SCLT1: variants seen among roughly 807,000 people sequenced by gnomAD.
SCLT1 encodes sodium channel-associated protein 1.
In SCLT1, 78 loss-of-function variants were observed where a neutral mutation model predicts 112.8. The observed-to-expected ratio is 0.69, with a 90% CI of 0.58 to 0.83. The LOEUF is 0.83. Among genes scored for constraint, SCLT1 ranks in the 40% least tolerant of loss-of-function variants. The pLI is 0.00. For missense variants in SCLT1, 747 were observed against 770.4 expected, an observed-to-expected ratio of 0.97 and a Z score of 0.36; for synonymous variants, 257 against 254.7, an observed-to-expected ratio of 1.01 and a Z score of -0.09.
intron 14 of SCLT1, chr4:128,952,227 A>G: frequency 2.5e-6 from 1 of 403,988 alleles, no homozygotes; most frequent in South Asian, 1.8e-5. Flanking sequence ...AAGTTTGTGA[A>G]GTTATAAACA....
At chr4:128,949,610 A>G (rs902808193) in intron 14 of SCLT1, among the ~76,000 whole-genome samples, 1 of 151,710 alleles carries the variant, frequency 6.6e-6, no homozygotes, top group Admixed American at 6.6e-5. Flanking sequence ...ATTCCCACCT[A>G]TAAGTGAGAA....
intron 2 of SCLT1, among the ~76,000 whole-genome samples, chr4:129,075,526 G>C: frequency 6.6e-6 from 1 of 151,940 alleles, no homozygotes; most frequent in East Asian, 1.9e-4. Flanking sequence ...GAATTACAAT[G>C]GCCAATACAA....
At chr4:128,908,885 C>T (rs1020602516) in intron 18 of SCLT1, among the ~76,000 whole-genome samples, 1 of 152,174 alleles carries the variant, frequency 6.6e-6, no homozygotes, top group Non-Finnish European at 1.5e-5. Flanking sequence ...AGCCTTCCTG[C>T]CAAACTGCCT....
chr4:128,891,034 C>T, intron 19 of SCLT1, 25 bp downstream of exon 19: 4 of 1,556,304 alleles, frequency 2.6e-6, no homozygotes, highest in Non-Finnish European at 3.5e-6. Context: ...GCAGAAAGCA[C>T]TTCCCAGGGG....
At chr4:128,894,715 G>A (rs552448750) in intron 18 of SCLT1, among the ~76,000 whole-genome samples, 1 of 151,780 alleles carries the variant, frequency 6.6e-6, no homozygotes, top group South Asian at 2.1e-4. Flanking sequence ...GTCTCACTGT[G>A]TCTCCCCGGC....
At chr4:128,914,083 T>C (rs750204609) in intron 18 of SCLT1, among the ~76,000 whole-genome samples, 10 of 152,070 alleles carry the variant, frequency 6.6e-5, no homozygotes, top group Non-Finnish European at 1.3e-4. Context: ...ACTAGTAATA[T>C]TGCCGGGCGC....
chr4:128,917,640 T>C (rs1300357862), intron 18 of SCLT1, among the ~76,000 whole-genome samples: 1 of 152,162 alleles, frequency 6.6e-6, no homozygotes, highest in East Asian at 1.9e-4. Flanking sequence ...ACTAAGTTAT[T>C]CAGATTAATC....
At chr4:128,998,073 A>G in intron 7 of SCLT1, 134 bp from the exon 8 acceptor site, 1 of 407,506 alleles carries the variant, frequency 2.5e-6, no homozygotes, top group Non-Finnish European at 4.5e-6. Flanking sequence ...TCTTATTACT[A>G]TTGTGTGAAT....
chr4:129,015,404 G>T (rs1306472627), intron 5 of SCLT1, among the ~76,000 whole-genome samples: 1 of 152,076 alleles, frequency 6.6e-6, no homozygotes, highest in Admixed American at 6.6e-5. Flanking sequence ...CTTTAAGCAG[G>T]CATGGCCAGG....
intron 18 of SCLT1, among the ~76,000 whole-genome samples, chr4:128,892,006 T>G (rs998075364): frequency 6.6e-6 from 1 of 152,124 alleles, no homozygotes; most frequent in Non-Finnish European, 1.5e-5. Context: ...TCTTAGAAAT[T>G]TAAGGAAACA....
At chr4:128,901,640 G>T (rs1033862149) in intron 18 of SCLT1, among the ~76,000 whole-genome samples, 2 of 150,854 alleles carry the variant, frequency 1.3e-5, no homozygotes, top group African/African-American at 4.9e-5. Context: ...CCTGCACGTT[G>T]TACACATGTA....
chr4:128,961,897 C>T (rs6821814), intron 11 of SCLT1, among the ~76,000 whole-genome samples: 112,895 of 152,168 alleles, frequency 0.74, 43,041 homozygotes, highest in African/African-American at 0.93. Flanking sequence ...ATGATTTCTA[C>T]TTTCCATTTG....
At chr4:129,057,591 C>A (rs930277451) in intron 2 of SCLT1, among the ~76,000 whole-genome samples, 8 of 146,386 alleles carry the variant, frequency 5.5e-5, no homozygotes, top group Admixed American at 4.8e-4. Context: ...TTGTTACAGA[C>A]TCATTCTCAT....
At chr4:128,957,951 A>C (rs1307778915) in intron 12 of SCLT1, among the ~76,000 whole-genome samples, 1 of 151,952 alleles carries the variant, frequency 6.6e-6, no homozygotes, top group Non-Finnish European at 1.5e-5. Context: ...CATCTCCTGA[A>C]CCTCTTAATA....
At chr4:129,042,533 G>C (rs887776940) in intron 4 of SCLT1, among the ~76,000 whole-genome samples, 1 of 152,192 alleles carries the variant, frequency 6.6e-6, no homozygotes, top group Non-Finnish European at 1.5e-5. Flanking sequence ...GTTAAAAAAA[G>C]AGAGATGTAA....
chr4:128,936,691 A>C lies in SCLT1; in HGVS notation c.1793T>G (p.Leu598Arg). The stretch of plus-strand genomic sequence containing the variant: ...GATTCTAATTTCTGCACTTTCAGTA[A>C]GTTTCTTCGTTTCTTCTTTCCACCT... ...ANRWKEETKK[L>R]TESAEIRINN... Residue 598 changes from leucine (L) to arginine (R), a missense_variant, in exon 18 of 21, where the codon CTT becomes CGT. Leu to Arg is a moderately radical substitution (Grantham distance 102). Around this residue, in one of 2 missense-constraint regions of SCLT1, gnomAD observed 723 missense variants for 721.3 expected, o/e 1.00. Coordinates refer to ENST00000281142, the MANE Select transcript of SCLT1 (RefSeq NM_144643.4). 1 of 1,604,658 alleles carries C rather than the reference A, an allele frequency of 6.2e-7. No individual in the cohort carries two copies. Among genetic ancestry groups the C allele is most frequent in the East Asian group, 2.2e-5 (1 of 44,716 alleles).
Position 128,957,133 on chromosome 4 carries a change from A to C in SCLT1, c.1048-9T>G, listed in dbSNP as rs773955938. ...TTCTCCTCAAGTAGAGCCTTCAGAA[A>C]ATAATCATTTCATGTTATAGATAAC... is the stretch of plus-strand genomic sequence containing the variant. On this transcript the variant is annotated splice_polypyrimidine_tract_variant and intron_variant, in intron 12 of 20. Coordinates refer to ENST00000281142, the MANE Select transcript of SCLT1 (RefSeq NM_144643.4). The C allele has an allele frequency of 6.8e-7, 1 of 1,470,098 alleles. No homozygotes were observed. Among genetic ancestry groups the C allele is most frequent in the South Asian group, 1.2e-5 (1 of 82,572 alleles). The allele number at this position is 1,470,098 out of a possible 1,614,324, so 91.1% of individuals were successfully genotyped here.
chr4:128,898,731 G>C (rs963921916), intron 18 of SCLT1, among the ~76,000 whole-genome samples: 2 of 152,006 alleles, frequency 1.3e-5, no homozygotes, highest in African/African-American at 4.8e-5. Flanking sequence ...CAATGAATCC[G>C]GGAGCTGGTT....
chr4:128,938,882 T>C (rs773242852), intron 17 of SCLT1, among the ~76,000 whole-genome samples: 1 of 151,938 alleles, frequency 6.6e-6, no homozygotes, highest in Non-Finnish European at 1.5e-5. Context: ...CTCAGGAGGG[T>C]GAGGCAGAAG....
Sources: allele counts gnomAD v4.1 joint callset (sites outside exome capture counted in the v4.1 genomes callset), GRCh38; gene constraint gnomAD v4.1.1; regional missense constraint gnomAD v4.1.1; transcripts MANE v1.5; gene names NCBI Gene and HGNC (gene_info 2026-07-23, HGNC 2026-07-21).